Variants in IQSEC1 observed in about 807,000 individuals in gnomAD.
IQSEC1 encodes IQ motif and SEC7 domain-containing protein 1.
In IQSEC1, 31 loss-of-function variants were observed where a neutral mutation model predicts 91.0. The observed-to-expected ratio is 0.34, with a 90% CI of 0.26 to 0.46. The LOEUF (loss-of-function observed/expected upper bound fraction) is 0.46, where lower values mean the gene tolerates loss of function less well. Ranked by LOEUF, IQSEC1 falls within the 20% of genes least tolerant of loss-of-function variation. The pLI is 1.00. For synonymous variants in IQSEC1, 699 were observed against 662.6 expected, an observed-to-expected ratio of 1.05 and a Z score of -0.84; for missense variants, 1,388 against 1,575.6, an observed-to-expected ratio of 0.88 and a Z score of 2.02.
At chr3:13,021,899 C>T (rs951818971) in intron 1 of IQSEC1, 8 of 487,634 alleles carry the variant, frequency 1.6e-5, no homozygotes, top group Non-Finnish European at 2.3e-5. Context: ...CTCTCCTCCT[C>T]CCGCTCCACC....
At chr3:13,276,239 C>T (rs540400233) in intron 1 of IQSEC1, among the ~76,000 whole-genome samples, 3 of 151,888 alleles carry the variant, frequency 2.0e-5, no homozygotes, top group African/African-American at 7.2e-5. Flanking sequence ...CAGGCGCCTG[C>T]CACTGCGCCA....
At chr3:13,222,131 C>T (rs1030296009) in intron 1 of IQSEC1, among the ~76,000 whole-genome samples, 3 of 152,116 alleles carry the variant, frequency 2.0e-5, no homozygotes, top group Admixed American at 1.3e-4. Flanking sequence ...CCATGAAACA[C>T]GAACCCCCAG....
intron 1 of IQSEC1, among the ~76,000 whole-genome samples, chr3:13,243,593 T>C (rs1421252387): frequency 6.6e-6 from 1 of 152,150 alleles, no homozygotes; most frequent in Non-Finnish European, 1.5e-5. Flanking sequence ...GAAGCTGAGG[T>C]CAAGCGGATG....
At chr3:13,223,219 C>A (rs1694693753) in intron 1 of IQSEC1, among the ~76,000 whole-genome samples, 1 of 152,196 alleles carries the variant, frequency 6.6e-6, no homozygotes, top group South Asian at 2.1e-4. Flanking sequence ...ACGCTTCCTG[C>A]ATAATTGGCT....
At chr3:13,238,904 G>A (rs1694975960) in intron 1 of IQSEC1, among the ~76,000 whole-genome samples, 2 of 152,214 alleles carry the variant, frequency 1.3e-5, no homozygotes, top group Admixed American at 1.3e-4. Context: ...CTCCTAAGGA[G>A]CTGGACATAA....
intron 1 of IQSEC1, among the ~76,000 whole-genome samples, chr3:12,981,088 C>T (rs1007376554): frequency 6.6e-6 from 1 of 152,148 alleles, no homozygotes; most frequent in Admixed American, 6.5e-5. Context: ...GATGGATGAA[C>T]GAGGCCCCAC....
At chr3:12,978,603 G>C (rs1701301595) in intron 1 of IQSEC1, among the ~76,000 whole-genome samples, 1 of 152,060 alleles carries the variant, frequency 6.6e-6, no homozygotes, top group Non-Finnish European at 1.5e-5. Context: ...TACTCGGGAG[G>C]CTGAGGCAGG....
At chr3:13,277,201 G>A (rs1241403499) in intron 1 of IQSEC1, among the ~76,000 whole-genome samples, 1 of 142,102 alleles carries the variant, frequency 7.0e-6, no homozygotes, top group African/African-American at 2.7e-5. Flanking sequence ...AAACAGCTGA[G>A]AAATAGCCAC....
chr3:12,957,747 T>C (rs1700003408), intron 1 of IQSEC1, among the ~76,000 whole-genome samples: 1 of 152,178 alleles, frequency 6.6e-6, no homozygotes, highest in South Asian at 2.1e-4. Flanking sequence ...CTTTTTTAGG[T>C]GCATAGCAAA....
intron 1 of IQSEC1, among the ~76,000 whole-genome samples, chr3:13,018,217 C>T (rs542579326): frequency 3.5e-4 from 53 of 152,354 alleles, no homozygotes; most frequent in African/African-American, 1.2e-3. Context: ...AGAGGAACGC[C>T]CACTGGCCCT....
intron 1 of IQSEC1, among the ~76,000 whole-genome samples, chr3:13,247,856 C>T (rs1030972632): frequency 6.6e-5 from 10 of 152,102 alleles, no homozygotes; most frequent in Non-Finnish European, 1.0e-4. Flanking sequence ...CCCACAGACA[C>T]GCTGTGGGAA....
intron 2 of IQSEC1, among the ~76,000 whole-genome samples, chr3:13,089,736 T>C (rs1433333915): frequency 2.6e-5 from 4 of 152,146 alleles, no homozygotes; most frequent in Admixed American, 1.3e-4. Context: ...GGCAAATCCA[T>C]AGAGGTAGAA....
At position 13,073,198 on chromosome 3, in the gene IQSEC1, G is replaced by T. The variant is rs1705494495; in HGVS notation, c.-184C>A. 1 of 685,532 alleles carries T rather than the reference G, an allele frequency of 1.5e-6. No individual in the cohort carries two copies. Among genetic ancestry groups the T allele is most frequent in the Admixed American group, 2.3e-5 (1 of 43,260 alleles). The allele number at this position is 685,532 out of a possible 1,614,324, so 42.5% of individuals were successfully genotyped here. ...GGCTGGGGCGGGAGCGGGGGGCGGC[G>T]CCAGCAGCGGGCTGTGGAGGGCCCT... On this transcript the variant is annotated 5_prime_UTR_variant, in exon 1 of 14. Transcript: ENST00000613206.
chr3:13,048,689 T>C (rs1279017952), intron 1 of IQSEC1, among the ~76,000 whole-genome samples: 1 of 152,202 alleles, frequency 6.6e-6, no homozygotes, highest in African/African-American at 2.4e-5. Flanking sequence ...CCTTCCCGTG[T>C]CCCATGCTGG....
intron 1 of IQSEC1, among the ~76,000 whole-genome samples, chr3:13,050,799 G>A (rs1274467389): frequency 6.6e-6 from 1 of 152,088 alleles, no homozygotes; most frequent in African/African-American, 2.4e-5. Flanking sequence ...ACTAGGACAG[G>A]ACTCAAAAGA....
chr3:13,161,145 T>C (rs1442477226), intron 2 of IQSEC1, among the ~76,000 whole-genome samples: 1 of 152,086 alleles, frequency 6.6e-6, no homozygotes, highest in Non-Finnish European at 1.5e-5. Flanking sequence ...GCAGGAATCA[T>C]GGGCCGCATT....
chr3:12,981,011 T>G (rs554236756), intron 1 of IQSEC1, among the ~76,000 whole-genome samples: 7 of 152,312 alleles, frequency 4.6e-5, no homozygotes, highest in Non-Finnish European at 7.4e-5. Context: ...AGTGTTCAGG[T>G]GAGTTTCTGT....
At chr3:12,953,996 G>T (rs781253169) in intron 1 of IQSEC1, among the ~76,000 whole-genome samples, 1 of 152,212 alleles carries the variant, frequency 6.6e-6, no homozygotes, top group African/African-American at 2.4e-5. Flanking sequence ...CTCAGACATG[G>T]CTGGTTCTCA....
chr3:13,235,941 C>G (rs773276697), intron 1 of IQSEC1, among the ~76,000 whole-genome samples: 47 of 152,176 alleles, frequency 3.1e-4, no homozygotes, highest in Non-Finnish European at 5.4e-4. Context: ...GTTCTGGTCC[C>G]GTTCCTGGTC....
Sources: gnomAD v4.1 joint callset for allele counts (sites outside exome capture counted in the v4.1 genomes callset) on GRCh38, gnomAD v4.1.1 for gene constraint, MANE v1.5 for transcripts, NCBI Gene and HGNC (gene_info 2026-07-23, HGNC 2026-07-21) for gene names.